Variants in PKNOX2 observed in about 807,000 individuals in gnomAD.
PKNOX2 encodes PBX/knotted 1 homeobox 2, also known as homeobox protein PKNOX2.
Under a neutral mutation model 53.1 loss-of-function variants are expected in PKNOX2, and 14 were observed. The ratio of observed to expected loss-of-function variants is 0.26; its 90% CI spans 0.17 to 0.41. The LOEUF is 0.41. Among genes scored for constraint, PKNOX2 ranks in the 10% least tolerant of loss-of-function variants. The pLI, the probability that PKNOX2 is intolerant of heterozygous loss-of-function variation, is 1.00. For synonymous variants in PKNOX2, 257 were observed against 242.8 expected (o/e 1.06, Z -0.54); for missense variants, 496 against 602.8 (o/e 0.82, Z 1.85).
intron 6 of PKNOX2, among the ~76,000 whole-genome samples, chr11:125,393,044 C>T (rs1246926143): frequency 6.6e-6 from 1 of 151,614 alleles, no homozygotes; most frequent in Non-Finnish European, 1.5e-5. Context: ...GGGCGTGGTC[C>T]CAGCTGCTTG....
intron 3 of PKNOX2, among the ~76,000 whole-genome samples, chr11:125,341,915 C>CG (rs1266334790): frequency 1.3e-5 from 2 of 152,172 alleles, no homozygotes; most frequent in African/African-American, 4.8e-5. Context: ...CCAGTGTACC[C>CG]GCCCTCCTTC....
chr11:125,365,955 C>T (rs936675895), intron 4 of PKNOX2, among the ~76,000 whole-genome samples: 2 of 152,202 alleles, frequency 1.3e-5, no homozygotes, highest in Non-Finnish European at 2.9e-5. Context: ...CAAGAAGTAT[C>T]TGAAGAAATA....
chr11:125,201,132 C>T (rs1026070560), intron 1 of PKNOX2, among the ~76,000 whole-genome samples: 13 of 152,126 alleles, frequency 8.5e-5, no homozygotes, highest in African/African-American at 2.7e-4. Flanking sequence ...TTCCATGAAC[C>T]CTTTCTGACC....
chr11:125,374,454 G>T (rs938393341), intron 5 of PKNOX2, among the ~76,000 whole-genome samples: 1 of 152,172 alleles, frequency 6.6e-6, no homozygotes, highest in South Asian at 2.1e-4. Context: ...AGTCAGGGGG[G>T]TGATCCTGCT....
intron 1 of PKNOX2, among the ~76,000 whole-genome samples, chr11:125,184,894 C>G (rs1297840382): frequency 5.3e-5 from 8 of 152,180 alleles, no homozygotes; most frequent in African/African-American, 1.9e-4. Flanking sequence ...CAGAAACAAA[C>G]CACGAAGAAA....
intron 2 of PKNOX2, among the ~76,000 whole-genome samples, chr11:125,263,631 A>AG (rs1189160128): frequency 6.6e-6 from 1 of 152,200 alleles, no homozygotes; most frequent in Non-Finnish European, 1.5e-5. Context: ...GCAGCGCGGG[A>AG]GGGGGAGAGC....
At chr11:125,318,976 C>T (rs1279692580) in intron 2 of PKNOX2, among the ~76,000 whole-genome samples, 2 of 152,196 alleles carry the variant, frequency 1.3e-5, no homozygotes, top group Non-Finnish European at 2.9e-5. Context: ...CCCAGTCATG[C>T]TGAATTGTGA....
At chr11:125,292,424 G>T (rs1565489455) in intron 2 of PKNOX2, among the ~76,000 whole-genome samples, 1 of 152,174 alleles carries the variant, frequency 6.6e-6, no homozygotes, top group South Asian at 2.1e-4. Context: ...CCCTCAGTGG[G>T]TTCCCTCTGG....
intron 2 of PKNOX2, among the ~76,000 whole-genome samples, chr11:125,277,971 C>G (rs1185585466): frequency 6.6e-6 from 1 of 151,984 alleles, no homozygotes; most frequent in Non-Finnish European, 1.5e-5. Context: ...AATCACAACA[C>G]TTTGGGAGGC....
intron 1 of PKNOX2, among the ~76,000 whole-genome samples, chr11:125,171,752 A>G (rs1402517119): frequency 2.0e-5 from 3 of 152,220 alleles, no homozygotes; most frequent in African/African-American, 7.2e-5. Context: ...TTGCACAAAT[A>G]GCCAGTCAAT....
intron 2 of PKNOX2, among the ~76,000 whole-genome samples, chr11:125,301,947 G>A (rs765291522): frequency 6.6e-6 from 1 of 152,196 alleles, no homozygotes; most frequent in African/African-American, 2.4e-5. Context: ...TGCAAAGTTC[G>A]GGGCATGGTC....
chr11:125,415,589 A>T (rs1333732759), intron 10 of PKNOX2, among the ~76,000 whole-genome samples: 2 of 152,056 alleles, frequency 1.3e-5, no homozygotes, highest in Non-Finnish European at 2.9e-5. Flanking sequence ...GCTTCTCCCA[A>T]ACTTATGTGA....
intron 6 of PKNOX2, among the ~76,000 whole-genome samples, chr11:125,391,303 T>A (rs1308769002): frequency 6.6e-6 from 1 of 152,200 alleles, no homozygotes; most frequent in Non-Finnish European, 1.5e-5. Context: ...AAGCACTTTG[T>A]AAATTGTAAA....
intron 1 of PKNOX2, among the ~76,000 whole-genome samples, chr11:125,180,169 A>C (rs980830642): frequency 3.9e-4 from 60 of 152,310 alleles, no homozygotes; most frequent in African/African-American, 1.4e-3. Flanking sequence ...TTGCTTTTTC[A>C]GATTTCCCCT....
At chr11:125,371,536 C>A (rs1365478791) in intron 5 of PKNOX2, among the ~76,000 whole-genome samples, 3 of 152,088 alleles carry the variant, frequency 2.0e-5, no homozygotes, top group Non-Finnish European at 4.4e-5. Context: ...CTTTCCCTCC[C>A]CCTCCTCCCC....
chr11:125,340,779 C>CGGTG (rs1950641074), intron 3 of PKNOX2, among the ~76,000 whole-genome samples: 1 of 152,072 alleles, frequency 6.6e-6, no homozygotes. Context: ...AGGCCAGGCG[C>CGGTG]GGTGGCTCAC....
chr11:125,393,178 G>A (rs757622258), intron 6 of PKNOX2, among the ~76,000 whole-genome samples: 5 of 142,706 alleles, frequency 3.5e-5, no homozygotes, highest in Admixed American at 6.8e-5. Flanking sequence ...AAAAAAAAGA[G>A]AGAAGAGAAA....
intron 1 of PKNOX2, among the ~76,000 whole-genome samples, chr11:125,189,397 ATGTG>A (rs67335450): frequency 1.9e-3 from 106 of 57,144 alleles, no homozygotes; most frequent in Non-Finnish European, 2.7e-3. Context: ...GTATATATAT[ATGTG>A]TGTATATATA....
chr11:125,340,571 C>G (rs1591534116), intron 3 of PKNOX2, among the ~76,000 whole-genome samples: 2 of 152,236 alleles, frequency 1.3e-5, no homozygotes, highest in African/African-American at 4.8e-5. Context: ...TGACCCGTAT[C>G]TACTGTTAGT....
Sources: gnomAD v4.1 joint callset for allele counts (sites outside exome capture counted in the v4.1 genomes callset) on GRCh38, gnomAD v4.1.1 for gene constraint, MANE v1.5 for transcripts, NCBI Gene and HGNC (gene_info 2026-07-23, HGNC 2026-07-21) for gene names.